The following PTPRD variants were observed in gnomAD, a reference collection of about 807,000 sequenced individuals.
The protein encoded by PTPRD is protein tyrosine phosphatase receptor type D, also known as receptor-type tyrosine-protein phosphatase delta.
PTPRD carries 34 observed loss-of-function variants against 214.5 expected under a neutral mutation model. The ratio of observed to expected loss-of-function variants is 0.16; its 90% CI spans 0.12 to 0.21. PTPRD has a LOEUF of 0.21. Ranked by LOEUF, PTPRD falls within the 10% of genes least tolerant of loss-of-function variation. PTPRD has a pLI of 1.00. For synonymous variants in PTPRD, 1,128 were observed against 845.7 expected, an observed-to-expected ratio of 1.33 and a Z score of -5.79; for missense variants, 2,545 against 2,398.7, an observed-to-expected ratio of 1.06 and a Z score of -1.27.
intron 8 of PTPRD, among the ~76,000 whole-genome samples, chr9:9,462,835 C>T (rs1276640536): frequency 4.6e-5 from 7 of 152,276 alleles, no homozygotes; most frequent in South Asian, 4.2e-4. Context: ...TCCTCCTAGA[C>T]ACTTTATCCC....
chr9:9,236,639 C>T (rs2099966918), intron 9 of PTPRD, among the ~76,000 whole-genome samples: 1 of 150,846 alleles, frequency 6.6e-6, no homozygotes, highest in Non-Finnish European at 1.5e-5. Flanking sequence ...TGAATTATGA[C>T]TTTTGGTTTT....
intron 11 of PTPRD, among the ~76,000 whole-genome samples, chr9:8,798,427 T>C (rs897258722): frequency 2.0e-5 from 3 of 152,176 alleles, no homozygotes; most frequent in Non-Finnish European, 4.4e-5. Flanking sequence ...CAAACAATTC[T>C]GGGTTTGCTG....
chr9:8,945,455 G>A (rs1481524630), intron 11 of PTPRD, among the ~76,000 whole-genome samples: 2 of 151,558 alleles, frequency 1.3e-5, no homozygotes, highest in Non-Finnish European at 2.9e-5. Flanking sequence ...TTCTACTGCT[G>A]TCCTCACTTT....
chr9:9,357,520 G>T (rs569754132), intron 9 of PTPRD, among the ~76,000 whole-genome samples: 87 of 151,142 alleles, frequency 5.8e-4, no homozygotes, highest in African/African-American at 2.1e-3. Flanking sequence ...TCATATATAA[G>T]GTCCCTTTGC....
At chr9:10,382,650 T>C (rs1339781030) in intron 2 of PTPRD, among the ~76,000 whole-genome samples, 1 of 151,910 alleles carries the variant, frequency 6.6e-6, no homozygotes, top group African/African-American at 2.4e-5. Flanking sequence ...AGCATACCAG[T>C]ATATATCACA....
intron 5 of PTPRD, among the ~76,000 whole-genome samples, chr9:9,779,536 A>C (rs564840801): frequency 6.6e-6 from 1 of 152,348 alleles, no homozygotes; most frequent in South Asian, 2.1e-4. Flanking sequence ...TATTTAAAAA[A>C]ATGGACAAAA....
At chr9:9,255,856 TG>T (rs2099977486) in intron 9 of PTPRD, among the ~76,000 whole-genome samples, 1 of 152,050 alleles carries the variant, frequency 6.6e-6, no homozygotes, top group African/African-American at 2.4e-5. Context: ...GAACAATTCC[TG>T]GCCCCTTGTT....
chr9:8,869,214 A>G (rs745801079), intron 11 of PTPRD, among the ~76,000 whole-genome samples: 5 of 152,188 alleles, frequency 3.3e-5, no homozygotes, highest in African/African-American at 7.2e-5. Flanking sequence ...AGAGAAAGAT[A>G]TTGCTTGTAA....
At chr9:8,707,927 C>G (rs1457443267) in intron 12 of PTPRD, among the ~76,000 whole-genome samples, 3 of 152,108 alleles carry the variant, frequency 2.0e-5, no homozygotes, top group Non-Finnish European at 4.4e-5. Context: ...TGCAAGTTTC[C>G]TTGTATGTGC....
At chr9:8,423,529 A>G (rs1378071308) in intron 35 of PTPRD, among the ~76,000 whole-genome samples, 3 of 152,188 alleles carry the variant, frequency 2.0e-5, no homozygotes, top group Admixed American at 2.0e-4. Context: ...AAAGGTGAAT[A>G]TTACTATGTA....
intron 7 of PTPRD, among the ~76,000 whole-genome samples, chr9:9,687,015 A>G (rs1218981388): frequency 6.6e-6 from 1 of 151,804 alleles, no homozygotes. Flanking sequence ...CATTTAATAC[A>G]AGTTGTGCAT....
At chr9:9,358,894 A>G (rs897327205) in intron 9 of PTPRD, among the ~76,000 whole-genome samples, 1 of 151,340 alleles carries the variant, frequency 6.6e-6, no homozygotes, top group African/African-American at 2.4e-5. Context: ...ATCAAAGTTG[A>G]TTGCATCCAA....
chr9:9,843,888 G>A (rs1005656839), intron 5 of PTPRD, among the ~76,000 whole-genome samples: 2 of 151,920 alleles, frequency 1.3e-5, no homozygotes, highest in Admixed American at 6.6e-5. Flanking sequence ...TTATCTTATC[G>A]AATAGACCAT....
In PTPRD at chr9:9,078,916, A is replaced by C. The variant is rs926143262; in HGVS notation, c.-142-60181T>G. Among the ~76,000 whole-genome samples, 4 of 152,086 alleles carry C rather than the reference A, an allele frequency of 2.6e-5. No homozygotes were observed. In the South Asian group the frequency reaches 6.2e-4, roughly 24 times the overall value. On this transcript the variant is annotated intron_variant, in intron 10 of 45. Transcript: ENST00000381196. ...ATATAGTGATCAGATCAGGGTAATTAGCATATTTCAATACTCATAATGTTG... is the reference window on the plus strand; with the variant it reads ...ATATAGTGATCAGATCAGGGTAATTCGCATATTTCAATACTCATAATGTTG...
intron 3 of PTPRD, among the ~76,000 whole-genome samples, chr9:10,340,266 T>C (rs1244650172): frequency 6.6e-6 from 1 of 151,878 alleles, no homozygotes; most frequent in Non-Finnish European, 1.5e-5. Flanking sequence ...AATGTTCTCA[T>C]AGCGACCAGT....
intron 4 of PTPRD, among the ~76,000 whole-genome samples, chr9:9,946,912 A>G (rs977151828): frequency 7.9e-5 from 12 of 152,044 alleles, no homozygotes; most frequent in African/African-American, 2.9e-4. Flanking sequence ...TTGCTGACAC[A>G]TTATCATTTT....
At chr9:9,145,312 T>A (rs1369562046) in intron 10 of PTPRD, among the ~76,000 whole-genome samples, 1 of 152,240 alleles carries the variant, frequency 6.6e-6, no homozygotes, top group Non-Finnish European at 1.5e-5. Context: ...GATCAGTATT[T>A]CATAGCAGGT....
chr9:8,487,388 G>C (rs141776505), intron 27 of PTPRD, among the ~76,000 whole-genome samples: 16 of 152,052 alleles, frequency 1.1e-4, no homozygotes, highest in African/African-American at 3.9e-4. Context: ...CACAGTGAAA[G>C]ACATTGAGGG....
intron 12 of PTPRD, among the ~76,000 whole-genome samples, chr9:8,731,457 G>A (rs775993971): frequency 1.8e-4 from 28 of 152,164 alleles, no homozygotes; most frequent in Non-Finnish European, 3.5e-4. Flanking sequence ...ACAAATCAGT[G>A]ACCCAGGCAA....
Sources: allele counts gnomAD v4.1 joint callset (sites outside exome capture counted in the v4.1 genomes callset), GRCh38; gene constraint gnomAD v4.1.1; transcripts MANE v1.5; gene names NCBI Gene and HGNC (gene_info 2026-07-23, HGNC 2026-07-21).